SCP2: variants seen among roughly 807,000 people sequenced by gnomAD.
SCP2 encodes the protein SCP-2/3-oxoacyl-CoA thiolase.
In SCP2, 48 loss-of-function variants were observed where a neutral mutation model predicts 71.4. The ratio of observed to expected loss-of-function variants is 0.67; its 90% CI spans 0.53 to 0.86. SCP2 has a LOEUF of 0.86. Ranked by LOEUF, SCP2 falls within the 40% of genes least tolerant of loss-of-function variation. SCP2 has a pLI of 0.00. For missense variants in SCP2, 560 were observed against 655.6 expected (o/e 0.85, Z 1.59); for synonymous variants, 220 against 218.1 (o/e 1.01, Z -0.08).
At chr1:52,965,510 G>C (rs1289943889) in intron 6 of SCP2, among the ~76,000 whole-genome samples, 1 of 152,102 alleles carries the variant, frequency 6.6e-6, no homozygotes, top group Non-Finnish European at 1.5e-5. Context: ...TTTATTTCTT[G>C]TTAAACTTAT....
intron 12 of SCP2, among the ~76,000 whole-genome samples, chr1:53,017,509 C>T (rs931382906): frequency 9.9e-5 from 15 of 152,150 alleles, no homozygotes; most frequent in African/African-American, 1.9e-4. Context: ...AATTCATCCA[C>T]GTTATTGTGT....
chr1:52,993,198 A>G, intron 11 of SCP2: 1 of 1,614,080 alleles, frequency 6.2e-7, no homozygotes, highest in Non-Finnish European at 8.5e-7. Flanking sequence ...AAGGGATTCT[A>G]GAAAATGACA....
chr1:52,999,427 G>T (rs1298511629), intron 11 of SCP2, among the ~76,000 whole-genome samples: 1 of 152,168 alleles, frequency 6.6e-6, no homozygotes, highest in East Asian at 1.9e-4. Context: ...TTCTGTAAAT[G>T]GTGTTAATTT....
chr1:52,936,270 G>A (rs1653732898), intron 1 of SCP2, among the ~76,000 whole-genome samples: 1 of 152,076 alleles, frequency 6.6e-6, no homozygotes, highest in Non-Finnish European at 1.5e-5. Flanking sequence ...GATAGCTATT[G>A]GTAGATATAA....
At chr1:52,980,606 C>A in intron 10 of SCP2, 63 bp downstream of exon 10, 1 of 1,458,698 alleles carries the variant, frequency 6.9e-7, no homozygotes, top group South Asian at 1.1e-5. Context: ...TCACTTTGAC[C>A]GTTAGATAAA....
chr1:53,002,969 A>G (rs12067244), intron 11 of SCP2, among the ~76,000 whole-genome samples: 1,876 of 152,360 alleles, frequency 0.012, 48 homozygotes, highest in African/African-American at 0.042. Flanking sequence ...CCAGCAAGTC[A>G]GTAAGAGCTA....
chr1:52,996,943 T>C (rs940677239), intron 11 of SCP2, among the ~76,000 whole-genome samples: 2 of 152,192 alleles, frequency 1.3e-5, no homozygotes, highest in Non-Finnish European at 2.9e-5. Flanking sequence ...TTTTGTTCTA[T>C]CCTACACTAC....
At chr1:52,998,764 T>C (rs1435590055) in intron 11 of SCP2, among the ~76,000 whole-genome samples, 1 of 152,216 alleles carries the variant, frequency 6.6e-6, no homozygotes, top group Non-Finnish European at 1.5e-5. Flanking sequence ...GGCGTATATT[T>C]CCAACAGCAG....
chr1:53,037,879 TACACACACACAC>T (rs34293671), intron 13 of SCP2, among the ~76,000 whole-genome samples: 114 of 84,620 alleles, frequency 1.3e-3, no homozygotes, highest in African/African-American at 3.2e-3. Context: ...TGTCTCTACA[TACACACACACAC>T]ACACACACAC....
chr1:52,939,626 C>T (rs1654036765), intron 1 of SCP2, among the ~76,000 whole-genome samples: 1 of 152,126 alleles, frequency 6.6e-6, no homozygotes, highest in Non-Finnish European at 1.5e-5. Context: ...TGGGTAAATG[C>T]CAAGGAGTGC....
chr1:52,960,518 G>GTATA (rs1553145893), intron 5 of SCP2, among the ~76,000 whole-genome samples: 2 of 116,180 alleles, frequency 1.7e-5, no homozygotes, highest in East Asian at 3.3e-4. Context: ...GTGTGTGTGT[G>GTATA]TATATGTGTG....
intron 12 of SCP2, among the ~76,000 whole-genome samples, chr1:53,020,743 C>T (rs1661657582): frequency 6.6e-6 from 1 of 152,178 alleles, no homozygotes; most frequent in African/African-American, 2.4e-5. Flanking sequence ...ATATCTCCCA[C>T]CATACCTCTA....
At chr1:53,041,273 G>A (rs1390765428) in intron 14 of SCP2, among the ~76,000 whole-genome samples, 2 of 151,930 alleles carry the variant, frequency 1.3e-5, no homozygotes, top group African/African-American at 2.4e-5. Flanking sequence ...TGTGTGGTGC[G>A]TGCCTGTAAT....
intron 11 of SCP2, chr1:52,994,053 T>G (rs959937437): frequency 1.7e-5 from 20 of 1,153,898 alleles, no homozygotes; most frequent in Non-Finnish European, 2.1e-5. Context: ...TGTATGTAAA[T>G]GTTGTGCCCA....
At chr1:52,941,382 T>C (rs1238382346) in intron 1 of SCP2, among the ~76,000 whole-genome samples, 1 of 152,202 alleles carries the variant, frequency 6.6e-6, no homozygotes, top group African/African-American at 2.4e-5. Flanking sequence ...TAGAGTCTAA[T>C]AATAATGTGT....
At chr1:52,949,955 T>C (rs1046371924) in intron 3 of SCP2, among the ~76,000 whole-genome samples, 2 of 152,208 alleles carry the variant, frequency 1.3e-5, no homozygotes, top group Non-Finnish European at 2.9e-5. Context: ...CTTTACTTTT[T>C]ACACTTGGGA....
At chr1:53,037,414 G>A (rs536074335) in intron 13 of SCP2, among the ~76,000 whole-genome samples, 28 of 152,036 alleles carry the variant, frequency 1.8e-4, no homozygotes, top group African/African-American at 6.3e-4. Context: ...TGATCATAGC[G>A]TATTGACATT....
chr1:52,978,449 T>A, intron 9 of SCP2, 82 bp downstream of exon 9: 2 of 1,058,650 alleles, frequency 1.9e-6, no homozygotes, highest in South Asian at 1.4e-5. Flanking sequence ...CATTATTATA[T>A]AATAACTTTT....
At position 52,988,144 on chromosome 1, in the gene SCP2, T is replaced by C. The variant is rs374302380; in HGVS notation, c.1081+8T>C. ...ACCCACTAGGCGCTACAGGTAATGCTACATACAGATTTCATACATTTTAAA... is the reference window on the plus strand; with the variant it reads ...ACCCACTAGGCGCTACAGGTAATGCCACATACAGATTTCATACATTTTAAA... On this transcript the variant is annotated splice_region_variant and intron_variant, in intron 11 of 15. Coordinates refer to ENST00000371514, the MANE Select transcript of SCP2 (RefSeq NM_002979.5). 42 of 1,309,172 alleles carry C rather than the reference T, an allele frequency of 3.2e-5. No individual in the cohort carries two copies. The African/African-American group carries it at 4.2e-4, about 13-fold the overall frequency. The allele number at this position is 1,309,172 out of a possible 1,614,324, so 81.1% of individuals were successfully genotyped here.
Sources: allele counts gnomAD v4.1 joint callset (sites outside exome capture counted in the v4.1 genomes callset), GRCh38; gene constraint gnomAD v4.1.1; transcripts MANE v1.5; gene names NCBI Gene and HGNC (gene_info 2026-07-23, HGNC 2026-07-21).